The following SLC35F1 variants were observed in gnomAD, a reference collection of about 807,000 sequenced individuals.
The protein encoded by SLC35F1 is chromosome 6 open reading frame 169.
SLC35F1 carries 14 observed loss-of-function variants against 48.7 expected under a neutral mutation model. The observed-to-expected ratio is 0.29, with a 90% CI of 0.19 to 0.45. The LOEUF is 0.45. SLC35F1 is among the 20% of genes least tolerant of loss of function. The pLI, the probability that SLC35F1 is intolerant of heterozygous loss-of-function variation, is 1.00. For synonymous variants in SLC35F1, 190 were observed against 202.2 expected, an observed-to-expected ratio of 0.94 and a Z score of 0.51; for missense variants, 404 against 500.0, an observed-to-expected ratio of 0.81 and a Z score of 1.83.
At chr6:118,055,502 A>G (rs927891659) in intron 1 of SLC35F1, among the ~76,000 whole-genome samples, 2 of 152,150 alleles carry the variant, frequency 1.3e-5, no homozygotes, top group Admixed American at 6.6e-5. Flanking sequence ...TAAAGTGGCA[A>G]ATTATTTTGA....
At position 118,119,504 on chromosome 6, in the gene SLC35F1, C is replaced by CA. The variant is rs1554229014; in HGVS notation, c.174-34940dup. On this transcript the variant is annotated intron_variant, in intron 1 of 7. Coordinates refer to ENST00000360388, the MANE Select transcript of SLC35F1 (RefSeq NM_001029858.4). ...GCAGTAATAACCGGCGCCCCCCCTC[C>CA]ACCCCGCTTTTTTTTTTGAGACGGA... Among the ~76,000 whole-genome samples the CA allele has an allele frequency of 4.8e-3, 538 of 112,900 alleles. 20 individuals are homozygous for CA. Among genetic ancestry groups the CA allele is most frequent in the African/African-American group, 0.015 (504 of 32,618 alleles). The allele number at this position is 112,900 out of a possible 152,430, so 74.1% of individuals were successfully genotyped here.
At chr6:118,015,864 A>G (rs1194816297) in intron 1 of SLC35F1, among the ~76,000 whole-genome samples, 1 of 152,212 alleles carries the variant, frequency 6.6e-6, no homozygotes, top group East Asian at 1.9e-4. Flanking sequence ...CAAGGACTAT[A>G]GTGGTAAATC....
intron 1 of SLC35F1, among the ~76,000 whole-genome samples, chr6:118,117,981 A>T (rs968159608): frequency 6.6e-6 from 1 of 152,164 alleles, no homozygotes; most frequent in Non-Finnish European, 1.5e-5. Context: ...CTAGTCACCT[A>T]TTGAGGAAGA....
chr6:118,297,327 A>C (rs1314960448), intron 7 of SLC35F1, among the ~76,000 whole-genome samples: 1 of 152,102 alleles, frequency 6.6e-6, no homozygotes. Flanking sequence ...TTAATCCCTT[A>C]GGAGGCTGGA....
chr6:118,114,575 C>T (rs1773451943), intron 1 of SLC35F1, among the ~76,000 whole-genome samples: 1 of 151,778 alleles, frequency 6.6e-6, no homozygotes, highest in African/African-American at 2.4e-5. Context: ...ATGGGCTTTC[C>T]TCGTGTTAGC....
intron 7 of SLC35F1, among the ~76,000 whole-genome samples, chr6:118,302,980 G>A (rs114241822): frequency 3.2e-4 from 47 of 145,392 alleles, no homozygotes; most frequent in Non-Finnish European, 2.9e-4. Flanking sequence ...AGCTTATTTA[G>A]AAAAAAAAAA....
At chr6:118,098,634 T>C (rs1773212656) in intron 1 of SLC35F1, among the ~76,000 whole-genome samples, 1 of 152,174 alleles carries the variant, frequency 6.6e-6, no homozygotes, top group African/African-American at 2.4e-5. Context: ...AGCTTACACC[T>C]TGCATGGCTT....
intron 3 of SLC35F1, among the ~76,000 whole-genome samples, chr6:118,265,894 CT>C (rs1356285588): frequency 9.2e-5 from 14 of 152,150 alleles, no homozygotes; most frequent in Admixed American, 8.5e-4. Flanking sequence ...TGTGACATCA[CT>C]TTGTCTAAGA....
At chr6:117,945,901 A>G (rs1250218058) in intron 1 of SLC35F1, among the ~76,000 whole-genome samples, 2 of 152,200 alleles carry the variant, frequency 1.3e-5, no homozygotes, top group Non-Finnish European at 2.9e-5. Context: ...TTAAGACCAA[A>G]ACATCAAAAG....
intron 1 of SLC35F1, among the ~76,000 whole-genome samples, chr6:117,971,524 T>G (rs977825689): frequency 6.6e-6 from 1 of 152,244 alleles, no homozygotes; most frequent in Non-Finnish European, 1.5e-5. Flanking sequence ...CAACCCAACA[T>G]TTCCCTTCTG....
chr6:118,253,807 T>C (rs941815136), intron 3 of SLC35F1, among the ~76,000 whole-genome samples: 11 of 151,954 alleles, frequency 7.2e-5, no homozygotes, highest in Non-Finnish European at 4.4e-5. Flanking sequence ...TGAAAGGAGC[T>C]GTCAGTATTG....
chr6:118,230,247 G>A (rs143227174), intron 2 of SLC35F1, among the ~76,000 whole-genome samples: 3,238 of 152,098 alleles, frequency 0.021, 65 homozygotes, highest in Middle Eastern at 0.061. Context: ...GGCTGAGGCA[G>A]GAGCATCGCT....
At chr6:118,143,162 G>C (rs1470918478) in intron 1 of SLC35F1, among the ~76,000 whole-genome samples, 2 of 152,022 alleles carry the variant, frequency 1.3e-5, no homozygotes, top group Non-Finnish European at 2.9e-5. Flanking sequence ...ATTTGACATG[G>C]GTTTTTATTT....
At chr6:118,084,146 G>A (rs990787738) in intron 1 of SLC35F1, among the ~76,000 whole-genome samples, 1 of 152,148 alleles carries the variant, frequency 6.6e-6, no homozygotes, top group African/African-American at 2.4e-5. Flanking sequence ...TGGGATTTTA[G>A]CCCAGTCTGG....
intron 1 of SLC35F1, among the ~76,000 whole-genome samples, chr6:117,952,611 C>G (rs1776376086): frequency 1.3e-5 from 2 of 152,126 alleles, no homozygotes; most frequent in African/African-American, 4.8e-5. Flanking sequence ...TAGCAACTGT[C>G]AATATTTCTT....
chr6:117,965,851 G>T (rs1251198312), intron 1 of SLC35F1, among the ~76,000 whole-genome samples: 7 of 152,076 alleles, frequency 4.6e-5, no homozygotes, highest in South Asian at 2.1e-4. Flanking sequence ...CTAGCTAAAG[G>T]TTTGTAAATG....
chr6:118,200,568 C>T (rs528347794), intron 2 of SLC35F1, among the ~76,000 whole-genome samples: 2 of 152,232 alleles, frequency 1.3e-5, no homozygotes, highest in South Asian at 4.1e-4. Context: ...TAATCAAGAC[C>T]TAATAAAATT....
chr6:118,128,767 T>C (rs958297162), intron 1 of SLC35F1, among the ~76,000 whole-genome samples: 6 of 151,582 alleles, frequency 4.0e-5, no homozygotes, highest in Admixed American at 1.3e-4. Flanking sequence ...CATATGTAAC[T>C]AACCTGCACA....
chr6:118,286,966 C>T (rs1776058635), intron 7 of SLC35F1, among the ~76,000 whole-genome samples: 3 of 152,092 alleles, frequency 2.0e-5, no homozygotes, highest in Admixed American at 2.0e-4. Flanking sequence ...TCTCCATTCC[C>T]CCAACAAGTT....
Sources: gnomAD v4.1 joint callset for allele counts (sites outside exome capture counted in the v4.1 genomes callset) on GRCh38, gnomAD v4.1.1 for gene constraint, MANE v1.5 for transcripts, NCBI Gene and HGNC (gene_info 2026-07-23, HGNC 2026-07-21) for gene names.